Variants in ATG4A observed in about 807,000 individuals in gnomAD.
ATG4A encodes cysteine protease ATG4A.
In ATG4A, 22 loss-of-function variants were observed where a neutral mutation model predicts 38.4. The ratio of observed to expected loss-of-function variants is 0.57; its 90% CI spans 0.41 to 0.82. The LOEUF (loss-of-function observed/expected upper bound fraction) is 0.82, where lower values mean the gene tolerates loss of function less well. Among genes scored for constraint, ATG4A ranks in the 40% least tolerant of loss-of-function variants. The pLI is 0.00. For synonymous variants in ATG4A, 86 were observed against 100.7 expected, an observed-to-expected ratio of 0.85 and a Z score of 0.88; for missense variants, 220 against 290.0, an observed-to-expected ratio of 0.76 and a Z score of 1.75.
chrX:108,128,785 A>G lies in ATG4A; in HGVS notation c.126A>G (p.Lys42=). 1 of 1,164,174 alleles carries G rather than the reference A, an allele frequency of 8.6e-7. No individual in the cohort carries two copies. Among genetic ancestry groups the G allele is most frequent in the Non-Finnish European group, 1.2e-6 (1 of 868,839 alleles). The change falls in exon 3 of 13, where the codon AAA becomes AAG. Residue 42 remains lysine (K), a synonymous_variant. Transcript: ENST00000372232. The part of the protein sequence containing the change: ...LGKQHLLKTE[K]SKLLSDISAR... ...TAATTTTACATTTAATTACAGAAAA[A>G]TCTAAGCTGTTGTCTGATATAAGTG...
At chrX:108,112,851 G>C (rs1302173144) in intron 1 of ATG4A, among the ~76,000 whole-genome samples, 1 of 111,075 alleles carries the variant, frequency 9.0e-6, no homozygotes, top group South Asian at 3.8e-4. Context: ...AATGGTCCCC[G>C]AACATTTAGT....
rs1344011765 is a variant in ATG4A, at chrX:108,120,171, T to C, written c.11-5906T>C. ...ATTGCCAACCAAATATTTTTCTTCA[T>C]CAGTACATCCAGTGTGCTACCCTTT... On this transcript the variant is annotated intron_variant, in intron 1 of 12. Transcript: ENST00000372232. 1.9e-4 allele frequency among the ~76,000 whole-genome samples: 21 copies of C among 112,491 alleles called. No homozygotes were observed. In the Admixed American group the frequency reaches 1.9e-3, roughly 10 times the overall value.
In ATG4A at chrX:108,153,867, A is replaced by AAAAAC. The variant is rs1243244428; in HGVS notation, c.*174_*178dup. The AAAAAC allele has an allele frequency of 3.0e-5, 13 of 436,398 alleles. No homozygotes were observed. Among genetic ancestry groups the AAAAAC allele is most frequent in the Admixed American group, 2.4e-4 (6 of 24,629 alleles). 36.0% of individuals were successfully genotyped at this position (436,398 alleles called of 1,213,427 possible). On this transcript the variant is annotated 3_prime_UTR_variant, in exon 13 of 13. Transcript: ENST00000372232. ...GACTGAGCCAATCACTGTTTCTCAGAAAAACAAAACAAAACAAAACAAATG... is the reference window on the plus strand; with the variant it reads ...GACTGAGCCAATCACTGTTTCTCAGAAAAACAAAACAAAACAAAACAAAACAAATG...
chrX:108,135,306 A>T (rs1384428689), intron 6 of ATG4A, among the ~76,000 whole-genome samples: 1 of 112,503 alleles, frequency 8.9e-6, no homozygotes, highest in Non-Finnish European at 1.9e-5. Flanking sequence ...CTGAGGCCAG[A>T]TTTAGGGATC....
intron 9 of ATG4A, among the ~76,000 whole-genome samples, chrX:108,139,984 A>G (rs1459023551): frequency 8.9e-6 from 1 of 112,028 alleles, no homozygotes; most frequent in Admixed American, 9.5e-5. Context: ...ATCACCTCCC[A>G]AAGACCCCAC....
chrX:108,140,340 C>G (rs892273669), intron 9 of ATG4A, among the ~76,000 whole-genome samples: 2 of 110,688 alleles, frequency 1.8e-5, no homozygotes, highest in African/African-American at 6.6e-5. Flanking sequence ...TGCCTGTTAA[C>G]TTTTATAAGT....
intron 1 of ATG4A, among the ~76,000 whole-genome samples, chrX:108,125,057 A>G (rs1449588153): frequency 1.8e-5 from 2 of 112,182 alleles, no homozygotes. Context: ...GAAATAAACT[A>G]TCAATTTAAA....
At chrX:108,091,968 C>A in intron 1 of ATG4A, 132 bp downstream of exon 1, 2 of 1,057,939 alleles carry the variant, frequency 1.9e-6, no homozygotes, top group Admixed American at 5.4e-5. Context: ...AGGTCCTGTC[C>A]CCCGGGGTTC....
intron 1 of ATG4A, among the ~76,000 whole-genome samples, chrX:108,095,716 T>C (rs1185554914): frequency 9.6e-6 from 1 of 104,306 alleles, no homozygotes; most frequent in Middle Eastern, 5.0e-3. Flanking sequence ...TCTTTCTTTT[T>C]TTTTTTTTTT....
chrX:108,148,763 A>G (rs1362449049), intron 9 of ATG4A, among the ~76,000 whole-genome samples: 1 of 111,924 alleles, frequency 8.9e-6, no homozygotes, highest in Non-Finnish European at 1.9e-5. Context: ...AGGCTTTTTC[A>G]GTATCACTGA....
At chrX:108,138,260 GGAGA>G in intron 9 of ATG4A, 69 bp downstream of exon 9, 1 of 987,052 alleles carries the variant, frequency 1.0e-6, no homozygotes, top group Non-Finnish European at 1.4e-6. Flanking sequence ...GGTTTGCATG[GGAGA>G]CCAGGCAATT....
chrX:108,127,733 G>C (rs141872959), intron 2 of ATG4A, among the ~76,000 whole-genome samples: 4,654 of 112,185 alleles, frequency 0.041, 95 homozygotes, highest in Non-Finnish European at 0.065. Flanking sequence ...TTGGCTAAAA[G>C]TAGATTTCCC....
At chrX:108,111,438 T>C (rs1220875376) in intron 1 of ATG4A, among the ~76,000 whole-genome samples, 1 of 112,036 alleles carries the variant, frequency 8.9e-6, no homozygotes, top group African/African-American at 3.2e-5. Flanking sequence ...CAGAGTCTGC[T>C]TCCCATCTTT....
At chrX:108,131,917 TG>T (rs1434219861) in intron 4 of ATG4A, among the ~76,000 whole-genome samples, 1 of 111,143 alleles carries the variant, frequency 9.0e-6, no homozygotes, top group African/African-American at 3.3e-5. Flanking sequence ...TTTTTTTTTT[TG>T]AGTCGGAGTT....
chrX:108,089,556 G>A (rs1177677678), upstream of ATG4A, among the ~76,000 whole-genome samples: 5 of 112,089 alleles, frequency 4.5e-5, no homozygotes, highest in Admixed American at 9.4e-5. Flanking sequence ...AGCTATGGCC[G>A]GGTGCGGTGG....
At chrX:108,153,183 T>C (rs2033630428) in intron 12 of ATG4A, 96 bp downstream of exon 12, 2 of 619,522 alleles carry the variant, frequency 3.2e-6, no homozygotes, top group South Asian at 2.8e-5. Flanking sequence ...CTGTGGACAG[T>C]AAAATTTCTA....
chrX:108,119,673 A>G (rs1404088888), intron 1 of ATG4A, among the ~76,000 whole-genome samples: 2 of 111,876 alleles, frequency 1.8e-5, no homozygotes, highest in Admixed American at 9.5e-5. Context: ...CTAAGGTCAT[A>G]TATTAAGTGG....
chrX:108,139,333 C>T (rs764470917), intron 9 of ATG4A, among the ~76,000 whole-genome samples: 10 of 112,151 alleles, frequency 8.9e-5, no homozygotes, highest in Non-Finnish European at 1.5e-4. Flanking sequence ...ATGCCTGACT[C>T]GCCCTGTTGT....
rs764331147 is a variant in ATG4A, at chrX:108,093,797, A to AT, written c.10+1964dup. The stretch of plus-strand genomic sequence containing the variant: ...GAAGTGGTGTCTCATTGTGGTTTTA[A>AT]TTTATAAATTATAATTTATAATACG... On this transcript the variant is annotated intron_variant, in intron 1 of 12. Transcript: ENST00000372232. Among the ~76,000 whole-genome samples the AT allele has an allele frequency of 6.2e-5, 7 of 112,196 alleles. No homozygotes were observed. In the South Asian group the frequency reaches 2.5e-3, roughly 41 times the overall value.
Sources: allele counts gnomAD v4.1 joint callset (sites outside exome capture counted in the v4.1 genomes callset), GRCh38; gene constraint gnomAD v4.1.1; transcripts MANE v1.5; gene names NCBI Gene and HGNC (gene_info 2026-07-23, HGNC 2026-07-21).